The following TENM3 variants were observed in gnomAD, a reference collection of about 807,000 sequenced individuals.
The protein encoded by TENM3 is teneurin transmembrane protein 3.
In TENM3, 63 loss-of-function variants were observed where a neutral mutation model predicts 255.1. The ratio of observed to expected loss-of-function variants is 0.25; its 90% CI spans 0.20 to 0.30. The LOEUF (loss-of-function observed/expected upper bound fraction) is 0.30. Among genes scored for constraint, TENM3 ranks in the 10% least tolerant of loss-of-function variants. TENM3 has a pLI of 1.00. For missense variants in TENM3, 2,929 were observed against 3,461.1 expected (o/e 0.85, Z 3.86); for synonymous variants, 1,306 against 1,322.3 (o/e 0.99, Z 0.27).
chr4:182,667,070 T>G lies in TENM3; in HGVS notation c.1112-5935T>G, dbSNP rs114196025. Reference sequence around the variant, plus strand: ...AATGTGCAATAGGTATGCCTGTATATGCTTTAAATGTGTCTATTTCATTAG... The same window carrying G: ...AATGTGCAATAGGTATGCCTGTATAGGCTTTAAATGTGTCTATTTCATTAG... On this transcript the variant is annotated intron_variant, in intron 6 of 27. Transcript: ENST00000511685. Among the ~76,000 whole-genome samples, 1,458 of 152,330 alleles carry G rather than the reference T, an allele frequency of 9.6e-3. 19 individuals are homozygous for G. The highest frequency in any genetic ancestry group is 0.033 in the African/African-American group (1,388 of 41,574).
intron 1 of TENM3, among the ~76,000 whole-genome samples, chr4:182,234,112 A>C (rs1756743660): frequency 1.3e-5 from 2 of 152,146 alleles, no homozygotes; most frequent in African/African-American, 4.8e-5. Flanking sequence ...TTCACCGTGA[A>C]AGCCTGGCTC....
At chr4:182,113,151 A>C in the TENM3 span, among the ~76,000 whole-genome samples, 5 of 152,356 alleles carry the variant, frequency 3.3e-5, no homozygotes, top group African/African-American at 1.2e-4. Flanking sequence ...AGTTTAACAA[A>C]GGACAAACAA....
chr4:181,729,168 T>C, the TENM3 span, among the ~76,000 whole-genome samples: 1 of 152,208 alleles, frequency 6.6e-6, no homozygotes, highest in Admixed American at 6.5e-5. Flanking sequence ...TTCTGTGTGA[T>C]TCATTTTGCA....
the TENM3 span, among the ~76,000 whole-genome samples, chr4:181,963,177 G>T: frequency 1.5e-4 from 23 of 152,160 alleles, no homozygotes; most frequent in Non-Finnish European, 3.1e-4. Flanking sequence ...TTCTACAAAA[G>T]CTGTCTCAAA....
chr4:182,294,135 A>T (rs922860343), intron 1 of TENM3, among the ~76,000 whole-genome samples: 2 of 147,246 alleles, frequency 1.4e-5, no homozygotes, highest in Admixed American at 6.8e-5. Context: ...TGGCTGAGTT[A>T]AAAAAAAAAA....
chr4:181,996,151 G>T, the TENM3 span, among the ~76,000 whole-genome samples: 1 of 130,236 alleles, frequency 7.7e-6, no homozygotes, highest in African/African-American at 2.9e-5. Flanking sequence ...AACCAGGGTC[G>T]CTACGGTTAA....
the TENM3 span, among the ~76,000 whole-genome samples, chr4:181,723,985 A>T: frequency 6.6e-6 from 1 of 152,232 alleles, no homozygotes; most frequent in Admixed American, 6.5e-5. Context: ...ATTTCAGGAT[A>T]ACGAGCAATC....
chr4:182,117,234 G>A, the TENM3 span, among the ~76,000 whole-genome samples: 14 of 152,166 alleles, frequency 9.2e-5, no homozygotes, highest in East Asian at 7.7e-4. Context: ...TCTGTGGCTC[G>A]TCTTTTCATT....
intron 1 of TENM3, among the ~76,000 whole-genome samples, chr4:182,176,045 G>A (rs1302253495): frequency 1.3e-5 from 2 of 152,082 alleles, no homozygotes; most frequent in Admixed American, 6.6e-5. Context: ...TTTAGTTATC[G>A]TTTATAGTTT....
chr4:181,576,164 C>T, the TENM3 span, among the ~76,000 whole-genome samples: 1 of 152,306 alleles, frequency 6.6e-6, no homozygotes, highest in African/African-American at 2.4e-5. Context: ...GCCATATGTA[C>T]ACATTAATGA....
At chr4:182,128,604 A>G in the TENM3 span, among the ~76,000 whole-genome samples, 2 of 152,190 alleles carry the variant, frequency 1.3e-5, no homozygotes. Context: ...ATTCCTTATT[A>G]ACTTACTGTT....
At chr4:182,390,026 T>C (rs918871240) in intron 3 of TENM3, among the ~76,000 whole-genome samples, 3 of 152,190 alleles carry the variant, frequency 2.0e-5, no homozygotes, top group African/African-American at 7.2e-5. Flanking sequence ...AAGTGTAAGA[T>C]AGATCTTTTG....
intron 3 of TENM3, among the ~76,000 whole-genome samples, chr4:182,585,481 A>G (rs1218654109): frequency 6.6e-6 from 1 of 152,122 alleles, no homozygotes; most frequent in Admixed American, 6.5e-5. Context: ...TCCTTATAAG[A>G]AGAGACACCA....
At chr4:181,500,803 G>A in the TENM3 span, among the ~76,000 whole-genome samples, 1 of 152,062 alleles carries the variant, frequency 6.6e-6, no homozygotes, top group East Asian at 1.9e-4. Flanking sequence ...AATCATTTTG[G>A]GTGTCTTCCT....
At chr4:182,066,599 A>AAAAAAT in the TENM3 span, among the ~76,000 whole-genome samples, 193 of 137,112 alleles carry the variant, frequency 1.4e-3, no homozygotes, top group African/African-American at 4.9e-3. Flanking sequence ...GTAAAAAAAA[A>AAAAAAT]ATATATATAT....
At chr4:182,294,003 G>A (rs74831102) in intron 1 of TENM3, among the ~76,000 whole-genome samples, 3,160 of 152,140 alleles carry the variant, frequency 0.021, 34 homozygotes, top group Middle Eastern at 0.031. Flanking sequence ...TCTTTCCTGC[G>A]CTCCCTGCGT....
At chr4:182,411,595 T>A (rs1424913739) in intron 3 of TENM3, among the ~76,000 whole-genome samples, 1 of 152,192 alleles carries the variant, frequency 6.6e-6, no homozygotes, top group Non-Finnish European at 1.5e-5. Flanking sequence ...GCATTTTAAA[T>A]GAGTGTTTCA....
At chr4:182,539,802 T>G (rs1213294126) in intron 3 of TENM3, among the ~76,000 whole-genome samples, 3 of 152,158 alleles carry the variant, frequency 2.0e-5, no homozygotes, top group Admixed American at 2.0e-4. Context: ...AGATTCGGTG[T>G]GGGTGAGGTT....
the TENM3 span, among the ~76,000 whole-genome samples, chr4:181,753,646 G>T: frequency 6.6e-6 from 1 of 152,182 alleles, no homozygotes; most frequent in Non-Finnish European, 1.5e-5. Flanking sequence ...TTATCAAACA[G>T]ACTTCCTTTG....
Sources: gnomAD v4.1 joint callset for allele counts (sites outside exome capture counted in the v4.1 genomes callset) on GRCh38, gnomAD v4.1.1 for gene constraint, MANE v1.5 for transcripts, NCBI Gene and HGNC (gene_info 2026-07-23, HGNC 2026-07-21) for gene names.